Variants in NRXN3 observed in about 807,000 individuals in gnomAD.
NRXN3 encodes neurexin 3.
A neutral mutation model predicts 137.6 loss-of-function variants in NRXN3; 32 were observed. The observed-to-expected ratio is 0.23, with a 90% confidence interval of 0.18 to 0.31. The LOEUF is 0.31. NRXN3 is among the 10% of genes least tolerant of loss of function. NRXN3 has a pLI of 1.00. For synonymous variants in NRXN3, 798 were observed against 784.5 expected, an observed-to-expected ratio of 1.02 and a Z score of -0.29; for missense variants, 1,574 against 2,062.5, an observed-to-expected ratio of 0.76 and a Z score of 4.59.
chr14:78,392,657 T>G (rs1393747153), intron 4 of NRXN3, among the ~76,000 whole-genome samples: 2 of 152,168 alleles, frequency 1.3e-5, no homozygotes, highest in Non-Finnish European at 2.9e-5. Flanking sequence ...ATATAAATCA[T>G]CTAACTTAGT....
intron 4 of NRXN3, among the ~76,000 whole-genome samples, chr14:78,324,453 TTTTG>T (rs2079799181): frequency 6.6e-6 from 1 of 152,088 alleles, no homozygotes; most frequent in Non-Finnish European, 1.5e-5. Context: ...CTGAGAGTGT[TTTTG>T]TTTTCAAAAA....
intron 2 of NRXN3, among the ~76,000 whole-genome samples, chr14:78,258,104 A>G (rs897640904): frequency 2.0e-5 from 3 of 152,240 alleles, no homozygotes; most frequent in Non-Finnish European, 4.4e-5. Flanking sequence ...TGAAATGGGG[A>G]TTATAATAGT....
chr14:78,533,847 G>A (rs2096501093), intron 4 of NRXN3, among the ~76,000 whole-genome samples: 1 of 152,166 alleles, frequency 6.6e-6, no homozygotes, highest in African/African-American at 2.4e-5. Flanking sequence ...TTGCACTCAT[G>A]GTACTGAGTT....
chr14:78,665,060 C>A (rs1300159297), intron 6 of NRXN3, among the ~76,000 whole-genome samples: 1 of 152,102 alleles, frequency 6.6e-6, no homozygotes, highest in Non-Finnish European at 1.5e-5. Context: ...TGGTGAATGA[C>A]AGCATGTATA....
At chr14:79,337,909 C>A (rs1427907837) in intron 15 of NRXN3, among the ~76,000 whole-genome samples, 3 of 152,148 alleles carry the variant, frequency 2.0e-5, no homozygotes, top group Non-Finnish European at 4.4e-5. Flanking sequence ...ACTACTTCCT[C>A]TTAAATTTCT....
At chr14:78,965,947 A>G (rs1438569623) in intron 11 of NRXN3, 78 bp from the exon 12 acceptor site, 10 of 1,497,534 alleles carry the variant, frequency 6.7e-6, no homozygotes, top group Non-Finnish European at 9.0e-6. Context: ...AACAGGTTAC[A>G]CCCAAAAAAT....
chr14:79,449,919 AG>A (rs2096135599), intron 15 of NRXN3, among the ~76,000 whole-genome samples: 1 of 129,572 alleles, frequency 7.7e-6, no homozygotes, highest in East Asian at 2.6e-4. Context: ...TGAACCTGGG[AG>A]GTGGAGGTTG....
chr14:79,676,260 G>C (rs893522129), intron 17 of NRXN3, among the ~76,000 whole-genome samples: 4 of 151,944 alleles, frequency 2.6e-5, no homozygotes, highest in African/African-American at 9.7e-5. Flanking sequence ...ATTTATTAAA[G>C]CAGCAAGACC....
intron 6 of NRXN3, among the ~76,000 whole-genome samples, chr14:78,682,097 A>G (rs1156802740): frequency 6.6e-6 from 1 of 151,882 alleles, no homozygotes; most frequent in East Asian, 1.9e-4. Flanking sequence ...CGATCTCTTG[A>G]CCTTGTGATC....
At chr14:79,599,153 T>C (rs1286905316) in intron 16 of NRXN3, among the ~76,000 whole-genome samples, 2 of 152,196 alleles carry the variant, frequency 1.3e-5, no homozygotes, top group Non-Finnish European at 2.9e-5. Context: ...TTTCTGACTG[T>C]ATTTCCATAA....
At chr14:78,349,227 G>A (rs923522670) in intron 4 of NRXN3, among the ~76,000 whole-genome samples, 6 of 152,192 alleles carry the variant, frequency 3.9e-5, no homozygotes, top group Admixed American at 2.0e-4. Flanking sequence ...ATATTGGTTC[G>A]AACAGCAGAG....
At chr14:78,457,287 C>T (rs2094771664) in intron 4 of NRXN3, among the ~76,000 whole-genome samples, 1 of 152,108 alleles carries the variant, frequency 6.6e-6, no homozygotes, top group Admixed American at 6.5e-5. Context: ...CCACCTTGGC[C>T]ACCCAAAGTG....
chr14:78,858,789 G>A (rs2099064454), intron 10 of NRXN3, among the ~76,000 whole-genome samples: 2 of 152,140 alleles, frequency 1.3e-5, no homozygotes, highest in African/African-American at 4.8e-5. Flanking sequence ...TGTTTGAAGT[G>A]TTTGTTCCTG....
chr14:78,724,715 A>G (rs1190516430), intron 8 of NRXN3, among the ~76,000 whole-genome samples: 3 of 152,246 alleles, frequency 2.0e-5, no homozygotes, highest in Non-Finnish European at 4.4e-5. Context: ...GTAAATCTCC[A>G]GTAATTTGTT....
intron 15 of NRXN3, among the ~76,000 whole-genome samples, chr14:79,101,270 G>T (rs554990204): frequency 6.6e-6 from 1 of 152,304 alleles, no homozygotes; most frequent in African/African-American, 2.4e-5. Flanking sequence ...CTTGTGGAAT[G>T]ACTCTGAAAT....
intron 8 of NRXN3, among the ~76,000 whole-genome samples, chr14:78,798,649 G>A (rs1009223276): frequency 7.2e-5 from 11 of 152,150 alleles, no homozygotes; most frequent in African/African-American, 1.7e-4. Flanking sequence ...ATTTCCCTTC[G>A]GCACTGCCCT....
intron 16 of NRXN3, among the ~76,000 whole-genome samples, chr14:79,633,116 C>G (rs1015856797): frequency 1.3e-5 from 2 of 152,150 alleles, no homozygotes; most frequent in African/African-American, 2.4e-5. Context: ...GTAGTCCATT[C>G]TGTTCAACAC....
intron 15 of NRXN3, among the ~76,000 whole-genome samples, chr14:79,392,882 A>G (rs565524898): frequency 7.7e-5 from 11 of 143,634 alleles, no homozygotes; most frequent in Admixed American, 2.2e-4. Context: ...AGGCAGGAGA[A>G]TTGCTTGAAC....
intron 2 of NRXN3, among the ~76,000 whole-genome samples, chr14:78,266,296 G>GTTTC (rs1041396083): frequency 2.0e-5 from 3 of 151,918 alleles, no homozygotes; most frequent in African/African-American, 7.3e-5. Context: ...CTTAATCTGT[G>GTTTC]TTTCTTTCTT....
Sources: allele counts gnomAD v4.1 joint callset (sites outside exome capture counted in the v4.1 genomes callset), GRCh38; gene constraint gnomAD v4.1.1; transcripts MANE v1.5; gene names NCBI Gene and HGNC (gene_info 2026-07-23, HGNC 2026-07-21).